CSMD1: variants seen among roughly 807,000 people sequenced by gnomAD.
CSMD1 encodes the protein CUB and Sushi multiple domains 1.
In CSMD1, 213 loss-of-function variants were observed where a neutral mutation model predicts 417.5. That is an observed-to-expected ratio of 0.51 (90% CI 0.46 to 0.57). CSMD1 has a LOEUF of 0.57. CSMD1 is among the 20% of genes least tolerant of loss of function. CSMD1 has a pLI of 0.00. For missense variants in CSMD1, 6,923 were observed against 4,529.7 expected, an observed-to-expected ratio of 1.53 and a Z score of -15.17; for synonymous variants, 2,862 against 1,736.8, an observed-to-expected ratio of 1.65 and a Z score of -16.11.
chr8:4,974,997 A>G (rs1810467732), intron 1 of CSMD1, among the ~76,000 whole-genome samples: 1 of 152,182 alleles, frequency 6.6e-6, no homozygotes, highest in South Asian at 2.1e-4. Context: ...CTGTGAGAAA[A>G]TGGATGTTTT....
intron 4 of CSMD1, among the ~76,000 whole-genome samples, chr8:4,012,568 C>T (rs879368402): frequency 6.6e-6 from 1 of 152,096 alleles, no homozygotes; most frequent in Non-Finnish European, 1.5e-5. Flanking sequence ...ATTCAACCGT[C>T]ACCACCTCCT....
chr8:4,130,348 G>A (rs1283163468), intron 3 of CSMD1, among the ~76,000 whole-genome samples: 1 of 152,086 alleles, frequency 6.6e-6, no homozygotes, highest in Non-Finnish European at 1.5e-5. Flanking sequence ...AAGACCCCCA[G>A]TAATGGAAGT....
intron 5 of CSMD1, among the ~76,000 whole-genome samples, chr8:3,952,527 G>C (rs78842063): frequency 0.017 from 2,611 of 152,172 alleles, 63 homozygotes; most frequent in East Asian, 0.11. Context: ...CCTCCTTCAG[G>C]TTTGGAAAAT....
intron 3 of CSMD1, among the ~76,000 whole-genome samples, chr8:4,407,041 G>C (rs1369760558): frequency 1.3e-5 from 2 of 152,182 alleles, no homozygotes; most frequent in Admixed American, 6.5e-5. Flanking sequence ...GGTAAATAAA[G>C]ATTTATTGAA....
chr8:4,527,916 G>A (rs931349373), intron 2 of CSMD1, among the ~76,000 whole-genome samples: 3 of 152,150 alleles, frequency 2.0e-5, no homozygotes, highest in African/African-American at 7.2e-5. Flanking sequence ...TACAGGGCGT[G>A]CCTGCTTCCT....
intron 4 of CSMD1, among the ~76,000 whole-genome samples, chr8:4,018,402 C>A (rs1273635594): frequency 1.3e-5 from 2 of 152,144 alleles, no homozygotes; most frequent in Non-Finnish European, 2.9e-5. Context: ...CTTCCTGCCT[C>A]GATTCCTGTT....
At chr8:4,551,730 G>T (rs748135587) in intron 2 of CSMD1, among the ~76,000 whole-genome samples, 5 of 152,036 alleles carry the variant, frequency 3.3e-5, no homozygotes, top group African/African-American at 4.8e-5. Flanking sequence ...TGGAGTCCAG[G>T]CTGGAGTCCA....
At chr8:3,861,154 G>T (rs1051912922) in intron 5 of CSMD1, among the ~76,000 whole-genome samples, 7 of 152,056 alleles carry the variant, frequency 4.6e-5, no homozygotes, top group Non-Finnish European at 4.4e-5. Context: ...TTAACACACT[G>T]TCCTTGGTTC....
At chr8:3,679,501 T>A (rs1003201623) in intron 7 of CSMD1, among the ~76,000 whole-genome samples, 4 of 152,094 alleles carry the variant, frequency 2.6e-5, no homozygotes, top group African/African-American at 9.7e-5. Context: ...TAAATATATA[T>A]TCACCCAATA....
intron 51 of CSMD1, among the ~76,000 whole-genome samples, chr8:3,028,928 A>G (rs1012640556): frequency 2.0e-5 from 3 of 152,332 alleles, no homozygotes; most frequent in African/African-American, 7.2e-5. Context: ...TTGTGAAAAC[A>G]GTCTTTATTT....
intron 6 of CSMD1, among the ~76,000 whole-genome samples, chr8:3,723,777 T>C (rs903663192): frequency 8.5e-5 from 13 of 152,172 alleles, no homozygotes; most frequent in African/African-American, 3.1e-4. Flanking sequence ...AAGAGATGCA[T>C]AAAGTGAACC....
chr8:4,617,627 T>C (rs1178914088), intron 2 of CSMD1, among the ~76,000 whole-genome samples: 3 of 152,170 alleles, frequency 2.0e-5, no homozygotes, highest in Non-Finnish European at 4.4e-5. Context: ...TCACTGGAAA[T>C]ACTCTTCCCA....
chr8:3,895,335 G>A (rs1212378537), intron 5 of CSMD1, among the ~76,000 whole-genome samples: 2 of 152,080 alleles, frequency 1.3e-5, no homozygotes, highest in African/African-American at 4.8e-5. Flanking sequence ...TATGTTTGGA[G>A]TTACAACTGA....
At chr8:4,134,082 A>G (rs1344359964) in intron 3 of CSMD1, among the ~76,000 whole-genome samples, 4 of 152,200 alleles carry the variant, frequency 2.6e-5, no homozygotes, top group African/African-American at 7.2e-5. Context: ...TTATTATAAG[A>G]TTATCAACTC....
At chr8:3,786,335 G>C (rs921465569) in intron 5 of CSMD1, among the ~76,000 whole-genome samples, 1 of 152,154 alleles carries the variant, frequency 6.6e-6, no homozygotes, top group South Asian at 2.1e-4. Flanking sequence ...TGGATGGAGG[G>C]TCACTGAGAC....
chr8:4,056,374 T>C (rs1459839042), intron 3 of CSMD1, among the ~76,000 whole-genome samples: 1 of 151,444 alleles, frequency 6.6e-6, no homozygotes, highest in East Asian at 1.9e-4. Flanking sequence ...TGAGCCACCA[T>C]GCCCAGCCAT....
At chr8:4,975,662 A>G (rs143964695) in intron 1 of CSMD1, among the ~76,000 whole-genome samples, 2 of 152,298 alleles carry the variant, frequency 1.3e-5, no homozygotes, top group Non-Finnish European at 2.9e-5. Context: ...AAGTGAGGTA[A>G]CGGTAATTCA....
intron 1 of CSMD1, among the ~76,000 whole-genome samples, chr8:4,695,110 G>A (rs545739562): frequency 2.0e-5 from 3 of 151,188 alleles, no homozygotes; most frequent in Non-Finnish European, 4.4e-5. Context: ...TAAGCCTGGG[G>A]TCTGAACTTC....
chr8:3,594,972 TG>T (rs1801023470), intron 8 of CSMD1, among the ~76,000 whole-genome samples: 1 of 152,212 alleles, frequency 6.6e-6, no homozygotes, highest in Admixed American at 6.5e-5. Context: ...GCCTCTGAAC[TG>T]AAGGGCTTTA....
Sources: gnomAD v4.1 joint callset for allele counts (sites outside exome capture counted in the v4.1 genomes callset) on GRCh38, gnomAD v4.1.1 for gene constraint, MANE v1.5 for transcripts, NCBI Gene and HGNC (gene_info 2026-07-23, HGNC 2026-07-21) for gene names.